The following PARD3B variants were observed in gnomAD, a reference collection of about 807,000 sequenced individuals.
PARD3B encodes the protein partitioning defective 3 homolog B.
In PARD3B, 103 loss-of-function variants were observed where a neutral mutation model predicts 130.2. The observed-to-expected ratio is 0.79, with a 90% CI of 0.67 to 0.93. The LOEUF (loss-of-function observed/expected upper bound fraction) is 0.93, where lower values mean the gene tolerates loss of function less well. Among genes scored for constraint, PARD3B ranks in the 40% least tolerant of loss-of-function variants. The pLI, the probability that PARD3B is intolerant of heterozygous loss-of-function variation, is 0.00. For synonymous variants in PARD3B, 583 were observed against 553.2 expected (o/e 1.05, Z -0.76); for missense variants, 1,609 against 1,499.2 (o/e 1.07, Z -1.21).
intron 4 of PARD3B, among the ~76,000 whole-genome samples, chr2:205,087,839 T>G (rs1421883403): frequency 6.6e-6 from 1 of 152,182 alleles, no homozygotes; most frequent in East Asian, 1.9e-4. Flanking sequence ...GAAGTGACCC[T>G]GACCATCATA....
intron 1 of PARD3B, among the ~76,000 whole-genome samples, chr2:204,550,113 C>A (rs184604548): frequency 2.8e-3 from 420 of 152,238 alleles, no homozygotes; most frequent in Middle Eastern, 0.01. Context: ...GGGATTGATT[C>A]CAGGACTTCC....
rs192027558 is a variant in PARD3B, at chr2:205,147,401, A to G, written c.1435-11321A>G. ...TTTGTTAGTTTTAATCTCTGACTTAATATTATATTAAGGTACAATATTACA... is the reference window on the plus strand; with the variant it reads ...TTTGTTAGTTTTAATCTCTGACTTAGTATTATATTAAGGTACAATATTACA... On this transcript the variant is annotated intron_variant, in intron 10 of 22. Coordinates refer to ENST00000406610, the MANE Select transcript of PARD3B (RefSeq NM_001302769.2). Among the ~76,000 whole-genome samples, 139 of 152,260 alleles carry G rather than the reference A, an allele frequency of 9.1e-4. 2 individuals are homozygous for G. The South Asian group carries it at 9.7e-3, about 11-fold the overall frequency.
intron 21 of PARD3B, among the ~76,000 whole-genome samples, chr2:205,539,997 A>G (rs1157261704): frequency 6.6e-6 from 1 of 152,148 alleles, no homozygotes; most frequent in African/African-American, 2.4e-5. Context: ...TCCTCATTTT[A>G]GTATCACTAC....
chr2:204,598,312 A>G (rs1187262359), intron 1 of PARD3B, among the ~76,000 whole-genome samples: 1 of 152,180 alleles, frequency 6.6e-6, no homozygotes, highest in East Asian at 1.9e-4. Flanking sequence ...TGGCAAAATT[A>G]AGAGTATAAT....
At position 204,589,408 on chromosome 2, in the gene PARD3B, C is replaced by T. The variant is rs544836890; in HGVS notation, c.120+43289C>T. On this transcript the variant is annotated intron_variant, in intron 1 of 22. Coordinates refer to ENST00000406610, the MANE Select transcript of PARD3B (RefSeq NM_001302769.2). ...TAACAGGCCTCAAATGTCACTGTGC[C>T]GATTTTGAACTTGACATTGAAGTTA... 2.4e-3 allele frequency among the ~76,000 whole-genome samples: 360 copies of T among 152,228 alleles called. 1 individual carries two copies. Among genetic ancestry groups the T allele is most frequent in the African/African-American group, 8.3e-3 (343 of 41,534 alleles).
chr2:204,965,332 A>G lies in PARD3B; in HGVS notation c.394+9A>G, dbSNP rs1180078819. ...TTCTGCTCTAAAACTAGGTATGTGT[A>G]ATGTTTATGATATTCTTTTCACCTG... On this transcript the variant is annotated intron_variant, in intron 3 of 22. Coordinates refer to ENST00000406610, the MANE Select transcript of PARD3B (RefSeq NM_001302769.2). 1.9e-6 allele frequency: 3 copies of G among 1,612,380 alleles called. No individual in the cohort carries two copies. Among genetic ancestry groups the G allele is most frequent in the Non-Finnish European group, 1.7e-6 (2 of 1,178,838 alleles).
rs775404051 is a variant in PARD3B at position 205,473,351 on chromosome 2, A to G, written c.3045-26545A>G. On this transcript the variant is annotated intron_variant, in intron 20 of 22. Coordinates refer to ENST00000406610, the MANE Select transcript of PARD3B (RefSeq NM_001302769.2). The surrounding 1 kb of genome is among the most constrained non-coding windows in gnomAD (Gnocchi z 4.9). ...AAAATATAAACAAACTTAAAATTCTATTTATGATTCAGACAACCAACAAAG... is the reference window on the plus strand; with the variant it reads ...AAAATATAAACAAACTTAAAATTCTGTTTATGATTCAGACAACCAACAAAG... 7.9e-5 allele frequency among the ~76,000 whole-genome samples: 12 copies of G among 152,076 alleles called. No individual in the cohort carries two copies. Among genetic ancestry groups the G allele is most frequent in the Admixed American group, 3.3e-4 (5 of 15,266 alleles).
chr2:205,089,108 A>C (rs561982498), intron 4 of PARD3B, among the ~76,000 whole-genome samples: 1 of 150,834 alleles, frequency 6.6e-6, no homozygotes, highest in Non-Finnish European at 1.5e-5. Flanking sequence ...GCCTGCAGTG[A>C]GGCCATAACT....
At chr2:204,601,725 A>T (rs1301944208) in intron 1 of PARD3B, among the ~76,000 whole-genome samples, 1 of 152,002 alleles carries the variant, frequency 6.6e-6, no homozygotes, top group Non-Finnish European at 1.5e-5. Flanking sequence ...AATGCTGTTC[A>T]AATCTAAATG....
At chr2:204,748,012 T>C (rs1002729638) in intron 2 of PARD3B, among the ~76,000 whole-genome samples, 20 of 152,102 alleles carry the variant, frequency 1.3e-4, no homozygotes, top group African/African-American at 4.8e-4. Context: ...ATGACAGGCC[T>C]TGGGTAATGG....
chr2:205,296,653 GTGTT>G (rs1415963568), intron 16 of PARD3B, among the ~76,000 whole-genome samples: 1 of 144,216 alleles, frequency 6.9e-6, no homozygotes, highest in Non-Finnish European at 1.5e-5. Flanking sequence ...GTCTTGGAGT[GTGTT>G]TGTGTATGTG....
At chr2:205,103,453 G>T (rs1702970652) in intron 4 of PARD3B, among the ~76,000 whole-genome samples, 1 of 150,792 alleles carries the variant, frequency 6.6e-6, no homozygotes, top group South Asian at 2.1e-4. Context: ...ATTAAAAAAA[G>T]ATAACCTAAT....
rs1212913891 is a variant in PARD3B, at chr2:205,105,783, A to G, written c.593+1269A>G. ...AGACCCTCTCTCTCTCTGAAGAAAA[A>G]AAAAAGGCGGGGGGATATGGGGTAG... On this transcript the variant is annotated intron_variant, in intron 5 of 22. Transcript: ENST00000406610. This position sits in a 1 kb window ranked among gnomAD's most constrained non-coding sequence, Gnocchi z 4.0. Among the ~76,000 whole-genome samples the G allele has an allele frequency of 6.6e-6, 1 of 151,864 alleles. No individual in the cohort carries two copies. Among genetic ancestry groups the G allele is most frequent in the Non-Finnish European group, 1.5e-5 (1 of 67,950 alleles).
intron 1 of PARD3B, among the ~76,000 whole-genome samples, chr2:204,597,559 G>C (rs1319564685): frequency 6.6e-6 from 1 of 152,154 alleles, no homozygotes; most frequent in Non-Finnish European, 1.5e-5. Flanking sequence ...TTCAGTTCTT[G>C]AACATCTCAG....
At chr2:205,002,940 A>T (rs6435266) in intron 3 of PARD3B, among the ~76,000 whole-genome samples, 77 of 152,302 alleles carry the variant, frequency 5.1e-4, no homozygotes, top group Admixed American at 9.2e-4. Flanking sequence ...CTTGTAGGGC[A>T]AACACCACAA....
At chr2:204,620,903 T>C (rs886903696) in intron 1 of PARD3B, among the ~76,000 whole-genome samples, 1 of 133,996 alleles carries the variant, frequency 7.5e-6, no homozygotes, top group Admixed American at 7.3e-5. Context: ...CCTTTCCCTA[T>C]GCTGAGAGAC....
intron 2 of PARD3B, among the ~76,000 whole-genome samples, chr2:204,765,819 G>A (rs187366178): frequency 2.0e-5 from 3 of 152,264 alleles, no homozygotes; most frequent in African/African-American, 7.2e-5. Flanking sequence ...TGCCTGACAA[G>A]GACAGTTGAA....
intron 1 of PARD3B, among the ~76,000 whole-genome samples, chr2:204,679,604 G>T (rs1342658429): frequency 6.6e-6 from 1 of 151,568 alleles, no homozygotes; most frequent in Non-Finnish European, 1.5e-5. Context: ...TAAATGTTTT[G>T]CATATTTTCA....
chr2:204,752,412 T>G (rs917225464), intron 2 of PARD3B, among the ~76,000 whole-genome samples: 1 of 152,186 alleles, frequency 6.6e-6, no homozygotes. Context: ...TAGCCATTGA[T>G]TCAGCATCAT....
Sources: gnomAD v4.1 joint callset for allele counts (sites outside exome capture counted in the v4.1 genomes callset) on GRCh38, gnomAD v4.1.1 for gene constraint, Gnocchi (gnomAD v3.1) non-coding constraint, MANE v1.5 for transcripts, NCBI Gene and HGNC (gene_info 2026-07-23, HGNC 2026-07-21) for gene names.